The following UTRN variants were observed in gnomAD, a reference collection of about 807,000 sequenced individuals.
UTRN encodes the protein utrophin.
Under a neutral mutation model 463.9 loss-of-function variants are expected in UTRN, and 283 were observed. The observed-to-expected ratio is 0.61, with a 90% confidence interval of 0.55 to 0.67. The LOEUF is 0.67. Ranked by LOEUF, UTRN falls within the 30% of genes least tolerant of loss-of-function variation. The pLI is 0.00. For missense variants in UTRN, 3,922 were observed against 4,084.3 expected (o/e 0.96, Z 1.08); for synonymous variants, 1,442 against 1,431.5 (o/e 1.01, Z -0.17).
At chr6:144,819,912 C>CTCCTCCTG (rs1554406091) in intron 65 of UTRN, among the ~76,000 whole-genome samples, 2 of 54,040 alleles carry the variant, frequency 3.7e-5, no homozygotes, top group East Asian at 3.5e-3. Context: ...CCTCCTCCTC[C>CTCCTCCTG]TCTCTCTCTC....
chr6:144,457,209 A>G (rs921984546), intron 19 of UTRN, among the ~76,000 whole-genome samples: 1 of 152,230 alleles, frequency 6.6e-6, no homozygotes, highest in African/African-American at 2.4e-5. Context: ...TCAGGATTAG[A>G]GAAAGGGAGA....
intron 3 of UTRN, among the ~76,000 whole-genome samples, chr6:144,408,529 A>G (rs2114811030): frequency 6.6e-6 from 1 of 152,356 alleles, no homozygotes; most frequent in Middle Eastern, 3.4e-3. Flanking sequence ...TGCAAAATTA[A>G]AAATGCTGAA....
chr6:144,497,051 GTGTCT>G (rs562011498), intron 33 of UTRN, among the ~76,000 whole-genome samples: 54 of 152,318 alleles, frequency 3.5e-4, no homozygotes, highest in Admixed American at 2.7e-3. Context: ...ATTAAAATCT[GTGTCT>G]TAAGCAGTTA....
At position 144,811,305 on chromosome 6, in the gene UTRN, C is replaced by A. The variant is rs149855798; in HGVS notation, c.9357+8158C>A. Among the ~76,000 whole-genome samples, 7 of 152,240 alleles carry A rather than the reference C, an allele frequency of 4.6e-5. No individual in the cohort carries two copies. In the East Asian group the frequency reaches 1.4e-3, roughly 29 times the overall value. On this transcript the variant is annotated intron_variant, in intron 65 of 74. Coordinates refer to ENST00000367545, the MANE Select transcript of UTRN (RefSeq NM_007124.3). ...CTGATTCATTCTTTGGAAAGCTCTA[C>A]CTTGAGTTAGGGTAGTTTGTTTTTT...
intron 13 of UTRN, among the ~76,000 whole-genome samples, chr6:144,440,804 G>A (rs1787075136): frequency 1.3e-5 from 2 of 152,184 alleles, no homozygotes; most frequent in Admixed American, 6.5e-5. Context: ...AGAAAAAGAG[G>A]TTTAAGGGAC....
intron 51 of UTRN, among the ~76,000 whole-genome samples, chr6:144,643,855 C>T (rs1036272135): frequency 3.3e-5 from 5 of 151,922 alleles, no homozygotes; most frequent in African/African-American, 1.2e-4. Flanking sequence ...TCAAAAATTG[C>T]AGCACTATAT....
intron 2 of UTRN, among the ~76,000 whole-genome samples, chr6:144,372,474 G>T (rs1780080398): frequency 6.6e-6 from 1 of 152,116 alleles, no homozygotes; most frequent in Non-Finnish European, 1.5e-5. Flanking sequence ...ATCCGCAATA[G>T]ATAAAGAAGT....
intron 51 of UTRN, among the ~76,000 whole-genome samples, chr6:144,606,185 G>A (rs1015444866): frequency 6.6e-6 from 1 of 152,162 alleles, no homozygotes; most frequent in African/African-American, 2.4e-5. Flanking sequence ...TTGACATTGG[G>A]AAGTTAAACA....
intron 2 of UTRN, among the ~76,000 whole-genome samples, chr6:144,359,140 G>T (rs1324818827): frequency 1.3e-5 from 2 of 152,240 alleles, no homozygotes; most frequent in African/African-American, 4.8e-5. Flanking sequence ...CAGGGCTGTT[G>T]TAAGGATTAT....
rs767360174 is a variant in UTRN at position 144,797,878 on chromosome 6, G to C, written c.9133G>C (p.Glu3045Gln). The C allele has an allele frequency of 6.2e-7, 1 of 1,614,116 alleles. No individual in the cohort carries two copies. Among genetic ancestry groups the C allele is most frequent in the Admixed American group, 1.7e-5 (1 of 60,028 alleles). The change falls in exon 64 of 75, where the codon GAA becomes CAA. Residue 3045 changes from glutamate to glutamine, a missense_variant. Glu to Gln is a conservative substitution (Grantham distance 29). Coordinates refer to ENST00000367545, the MANE Select transcript of UTRN (RefSeq NM_007124.3). ...VKEFIDWMHL[E>Q]PQSMVWLPVL... is the part of the protein sequence containing the mutation. ...AGAGTTTATAGATTGGATGCATTTG[G>C]AACCACAGTCCATGGTTTGGCTCCC...
In UTRN at chr6:144,462,846, C is replaced by T; in HGVS notation, c.3046C>T (p.Leu1016Phe). 6.2e-7 allele frequency: 1 copy of T among 1,605,120 alleles called. No homozygotes were observed. Among genetic ancestry groups the T allele is most frequent in the Non-Finnish European group, 8.5e-7 (1 of 1,178,242 alleles). The change falls in exon 23 of 75, where the codon CTC becomes TTC. Residue 1016 changes from leucine to phenylalanine, a missense_variant. Physicochemically the swap from Leu to Phe is conservative, Grantham distance 22. This residue lies in a region of UTRN where 2,349 missense variants were observed against 2,303.8 expected (regional missense o/e 1.02). Transcript: ENST00000367545. ...KDLHLLEEIA[L>F]TLRAFEADST... ...TCTACATTTGCTTGAGGAAATTGCT[C>T]TCACACTCAGAGCTTTTGAGGTAAA...
At chr6:144,656,028 T>C (rs1015328415) in intron 51 of UTRN, among the ~76,000 whole-genome samples, 5 of 152,192 alleles carry the variant, frequency 3.3e-5, no homozygotes, top group Admixed American at 3.3e-4. Flanking sequence ...TGCTTCTCTG[T>C]GGTTCTGGAA....
At position 144,748,445 on chromosome 6, in the gene UTRN, G is replaced by C. The variant is rs1341160099; in HGVS notation, c.8139G>C (p.Val2713=). ...LDADMKEAES[V]RNGWKPVGDL... ...CTGACATGAAGGAGGCAGAGTCCGTGCGGAATGGCTGGAAGCCCGTGGGAG... is the reference window on the plus strand; with the variant it reads ...CTGACATGAAGGAGGCAGAGTCCGTCCGGAATGGCTGGAAGCCCGTGGGAG... The change falls in exon 55 of 75, where the codon GTG becomes GTC. Residue 2713 remains valine (V), a synonymous_variant. Transcript: ENST00000367545. The C allele has an allele frequency of 6.2e-7, 1 of 1,613,994 alleles. No individual in the cohort carries two copies. Among genetic ancestry groups the C allele is most frequent in the South Asian group, 1.1e-5 (1 of 91,082 alleles).
intron 2 of UTRN, among the ~76,000 whole-genome samples, chr6:144,371,565 C>G (rs1179131919): frequency 6.6e-6 from 1 of 152,196 alleles, no homozygotes; most frequent in Non-Finnish European, 1.5e-5. Context: ...GCACGCACCA[C>G]CACACCTGGC....
In UTRN at chr6:144,813,868, G is replaced by A. The variant is rs112364657; in HGVS notation, c.9358-7014G>A. On this transcript the variant is annotated intron_variant, in intron 65 of 74. Coordinates refer to ENST00000367545, the MANE Select transcript of UTRN (RefSeq NM_007124.3). ...GGTGTGACATTTCTAGAATGCTCTT[G>A]CCTGCTGTGAGCTCTCAGACTGGAC... Among the ~76,000 whole-genome samples the A allele has an allele frequency of 8.5e-3, 1,290 of 152,322 alleles. 14 individuals are homozygous for A. Among genetic ancestry groups the A allele is most frequent in the African/African-American group, 0.03 (1,235 of 41,572 alleles).
At chr6:144,296,487 C>T (rs1187815816) in intron 2 of UTRN, among the ~76,000 whole-genome samples, 2 of 152,132 alleles carry the variant, frequency 1.3e-5, no homozygotes, top group African/African-American at 2.4e-5. Context: ...GAGCAGGGAC[C>T]AATACATCCC....
intron 53 of UTRN, among the ~76,000 whole-genome samples, chr6:144,711,904 A>G (rs1263962551): frequency 1.3e-5 from 2 of 152,236 alleles, no homozygotes; most frequent in Non-Finnish European, 2.9e-5. Flanking sequence ...AAACTTGCTC[A>G]TTAAAATAAC....
intron 2 of UTRN, among the ~76,000 whole-genome samples, chr6:144,319,972 G>A (rs1039029044): frequency 6.6e-6 from 1 of 151,820 alleles, no homozygotes; most frequent in African/African-American, 2.4e-5. Context: ...TCCTGTCTCA[G>A]TCTCCTGAAT....
At chr6:144,844,073 A>T (rs1160417337) in intron 73 of UTRN, among the ~76,000 whole-genome samples, 1 of 152,186 alleles carries the variant, frequency 6.6e-6, no homozygotes. Flanking sequence ...AAGTTCTGCT[A>T]TTCATATTTT....
Sources: gnomAD v4.1 joint callset for allele counts (sites outside exome capture counted in the v4.1 genomes callset) on GRCh38, gnomAD v4.1.1 for gene constraint, gnomAD v4.1.1 regional missense constraint, MANE v1.5 for transcripts, NCBI Gene and HGNC (gene_info 2026-07-23, HGNC 2026-07-21) for gene names.